Variants in USP24 observed in about 807,000 individuals in gnomAD.
The protein encoded by USP24 is ubiquitin specific peptidase 24, also known as ubiquitin carboxyl-terminal hydrolase 24.
Under a neutral mutation model 361.6 loss-of-function variants are expected in USP24, and 97 were observed. The observed-to-expected ratio is 0.27, with a 90% CI of 0.23 to 0.32. The LOEUF (loss-of-function observed/expected upper bound fraction) is 0.32, where lower values mean the gene tolerates loss of function less well. USP24 is among the 10% of genes least tolerant of loss of function. The pLI, the probability that USP24 is intolerant of heterozygous loss-of-function variation, is 1.00. For synonymous variants in USP24, 1,098 were observed against 1,124.6 expected (o/e 0.98, Z 0.47); for missense variants, 2,353 against 3,165.6 (o/e 0.74, Z 6.16).
intron 8 of USP24, among the ~76,000 whole-genome samples, chr1:55,161,103 G>A (rs1034336563): frequency 6.6e-6 from 1 of 152,162 alleles, no homozygotes; most frequent in Non-Finnish European, 1.5e-5. Context: ...GCTAGGTACA[G>A]TGGCTCATGC....
At chr1:55,187,662 G>C (rs1417845596) in intron 1 of USP24, among the ~76,000 whole-genome samples, 1 of 151,902 alleles carries the variant, frequency 6.6e-6, no homozygotes, top group African/African-American at 2.4e-5. Flanking sequence ...CTAACAATGG[G>C]TAATCCTAAA....
Position 55,068,141 on chromosome 1 carries a change from CAT to C in USP24, c.*902_*903del, listed in dbSNP as rs774179510. 2.0e-5 allele frequency: 3 copies of C among 152,196 alleles called. No homozygotes were observed. The South Asian group carries it at 6.2e-4, about 31-fold the overall frequency. 9.4% of individuals were successfully genotyped at this position (152,196 alleles called of 1,614,324 possible). A position where few individuals can be genotyped will look rare whatever the true frequency, so the allele number is the denominator to read the frequency against. On this transcript the variant is annotated 3_prime_UTR_variant, in exon 68 of 68. Transcript: ENST00000294383. ...AGCAAAAGCAAACGATTGCAGATCA[CAT>C]GATTTAAGACTACAGTTTATTCAAT...
chr1:55,142,314 C>G (rs1189578701), intron 23 of USP24, among the ~76,000 whole-genome samples: 2 of 152,120 alleles, frequency 1.3e-5, no homozygotes, highest in Admixed American at 1.3e-4. Context: ...CCACCTACTA[C>G]TAACTGTCTT....
chr1:55,201,482 T>TCCC (rs1644572271), intron 1 of USP24, among the ~76,000 whole-genome samples: 1 of 151,254 alleles, frequency 6.6e-6, no homozygotes, highest in Non-Finnish European at 1.5e-5. Context: ...GTGCCTGTAA[T>TCCC]CCCAGCCACT....
intron 59 of USP24, 138 bp downstream of exon 59, chr1:55,081,184 A>T: frequency 1.2e-6 from 1 of 817,856 alleles, no homozygotes; most frequent in Non-Finnish European, 1.9e-6. Context: ...AACATGAATT[A>T]AAACAAAAAT....
Position 55,162,272 on chromosome 1 carries a change from A to G in USP24, c.928-8T>C, listed in dbSNP as rs538363660. On this transcript the variant is annotated splice_region_variant and splice_polypyrimidine_tract_variant and intron_variant, in intron 7 of 67. Transcript: ENST00000294383. ...AATCAGTGCTGAGACAGCCTGGAAA[A>G]AGACAGTGAAGATTAAAAATACATT... 5.8e-6 allele frequency: 9 copies of G among 1,547,554 alleles called. No individual in the cohort carries two copies. The South Asian group carries it at 1.2e-4, about 20-fold the overall frequency.
At chr1:55,128,208 A>G (rs1406880789) in intron 32 of USP24, among the ~76,000 whole-genome samples, 1 of 152,114 alleles carries the variant, frequency 6.6e-6, no homozygotes, top group African/African-American at 2.4e-5. Context: ...CCCTCTACCT[A>G]GTCATAAATG....
At chr1:55,134,184 A>AT in intron 29 of USP24, 21 bp from the exon 30 acceptor site, 1 of 1,608,492 alleles carries the variant, frequency 6.2e-7, no homozygotes, top group Non-Finnish European at 8.5e-7. Flanking sequence ...TCAAATACAA[A>AT]TTTTTTCATA....
chr1:55,083,125 ATAATT>A (rs1462224223), intron 58 of USP24, 142 bp downstream of exon 58: 1 of 679,716 alleles, frequency 1.5e-6, no homozygotes, highest in Non-Finnish European at 2.3e-6. Context: ...AGTTGTAAAG[ATAATT>A]TAACTCCAAA....
chr1:55,189,728 CTTGA>C (rs946247529), intron 1 of USP24, among the ~76,000 whole-genome samples: 2 of 152,058 alleles, frequency 1.3e-5, no homozygotes, highest in Non-Finnish European at 2.9e-5. Flanking sequence ...ATTTAAAAGA[CTTGA>C]TTAACAAAAA....
rs1362951183 is a variant in USP24, at chr1:55,103,900, G to A, written c.5001C>T (p.Asp1667=). 3.1e-6 allele frequency: 5 copies of A among 1,612,846 alleles called. No homozygotes were observed. The highest frequency in any genetic ancestry group is 1.3e-5 in the African/African-American group (1 of 74,870). ...KELLSMHHQP[D]PALTKEFDYL... is the part of the protein sequence containing the mutation. ...CATCAAACTCCTTGGTAAGAGCAGG[G>A]TCAGGCTGGTGATGCATAGAAAGCA... The change falls in exon 42 of 68, where the codon GAC becomes GAT. Residue 1667 remains aspartate (D), a synonymous_variant. Coordinates refer to ENST00000294383, the MANE Select transcript of USP24 (RefSeq NM_015306.3).
At chr1:55,071,235 A>G (rs1269314777) in intron 67 of USP24, 13 of 987,748 alleles carry the variant, frequency 1.3e-5, no homozygotes, top group Non-Finnish European at 1.4e-5. Flanking sequence ...GTTACAGACT[A>G]TTGGAAAGAC....
At chr1:55,130,186 G>A (rs781583230) in intron 31 of USP24, among the ~76,000 whole-genome samples, 2 of 152,146 alleles carry the variant, frequency 1.3e-5, no homozygotes, top group Non-Finnish European at 2.9e-5. Context: ...TGAATACTTT[G>A]GTTGGGCAGA....
intron 56 of USP24, among the ~76,000 whole-genome samples, chr1:55,084,194 C>G (rs1351876732): frequency 1.3e-5 from 2 of 152,138 alleles, no homozygotes; most frequent in Non-Finnish European, 2.9e-5. Flanking sequence ...CTCTCTGTCT[C>G]TTAAAAAAAG....
intron 10 of USP24, 129 bp downstream of exon 10, chr1:55,158,749 T>C (rs1647954798): frequency 2.4e-6 from 2 of 840,922 alleles, no homozygotes; most frequent in East Asian, 3.3e-5. Flanking sequence ...TTATACACAA[T>C]CATTCTCTTT....
chr1:55,150,902 T>C (rs1008222742), intron 16 of USP24, among the ~76,000 whole-genome samples: 1 of 152,314 alleles, frequency 6.6e-6, no homozygotes, highest in African/African-American at 2.4e-5. Context: ...TAGGACCTGA[T>C]GGGATGTCTA....
In USP24 at chr1:55,098,132, A is replaced by G. The variant is rs186392659; in HGVS notation, c.5454-48T>C. 47 of 1,512,328 alleles carry G rather than the reference A, an allele frequency of 3.1e-5. No individual in the cohort carries two copies. The African/African-American group carries it at 4.2e-4, about 13-fold the overall frequency. The allele number at this position is 1,512,328 out of a possible 1,614,324, so 93.7% of individuals were successfully genotyped here. On this transcript the variant is annotated intron_variant, in intron 46 of 67. Coordinates refer to ENST00000294383, the MANE Select transcript of USP24 (RefSeq NM_015306.3). Reference sequence around the variant, plus strand: ...CCCACAATCAACAATGGAATTTAAAACTCTTCAATTATCATAATACCTAAG... The same window carrying G: ...CCCACAATCAACAATGGAATTTAAAGCTCTTCAATTATCATAATACCTAAG...
At chr1:55,094,219 T>G in intron 51 of USP24, 132 bp from the exon 52 acceptor site, 2 of 847,982 alleles carry the variant, frequency 2.4e-6, no homozygotes, top group Non-Finnish European at 3.5e-6. Context: ...AACATAAAAC[T>G]GTACCACATA....
At chr1:55,136,425 G>A (rs958707148) in intron 28 of USP24, among the ~76,000 whole-genome samples, 2 of 152,084 alleles carry the variant, frequency 1.3e-5, no homozygotes, top group African/African-American at 2.4e-5. Flanking sequence ...GGAGCCACTC[G>A]GGCCGAGTGG....
Sources: gnomAD v4.1 joint callset for allele counts (sites outside exome capture counted in the v4.1 genomes callset) on GRCh38, gnomAD v4.1.1 for gene constraint, MANE v1.5 for transcripts, NCBI Gene and HGNC (gene_info 2026-07-23, HGNC 2026-07-21) for gene names.